STK32C: variants seen among roughly 807,000 people sequenced by gnomAD.
STK32C encodes serine/threonine kinase 32C, also known as serine/threonine-protein kinase 32C.
Under a neutral mutation model 56.5 loss-of-function variants are expected in STK32C, and 31 were observed. The observed-to-expected ratio is 0.55, with a 90% confidence interval of 0.41 to 0.74. The LOEUF (loss-of-function observed/expected upper bound fraction) is 0.74. Among genes scored for constraint, STK32C ranks in the 30% least tolerant of loss-of-function variants. The probability of loss-of-function intolerance (pLI) is 0.00; values close to 1 mark genes in which losing one functional copy is unlikely to be tolerated. For missense variants in STK32C, 544 were observed against 676.9 expected, an observed-to-expected ratio of 0.80 and a Z score of 2.18; for synonymous variants, 309 against 289.4, an observed-to-expected ratio of 1.07 and a Z score of -0.69.
In STK32C at chr10:132,331,546, G is replaced by A. The variant is rs887020744; in HGVS notation, c.191C>T (p.Ser64Phe). 1.1e-5 allele frequency: 17 copies of A among 1,612,836 alleles called. No individual in the cohort carries two copies. In the African/African-American group the frequency reaches 1.1e-4, roughly 10 times the overall value. The stretch of plus-strand genomic sequence containing the variant: ...AGCAAGTCCTGAGGCAAGATTTGGG[G>A]ACAAGCAGCTCCTGTGGGAAGTGGC... Residue 64 changes from serine to phenylalanine, a missense_variant, in exon 1 of 2, where the codon TCC (serine) becomes TTC (phenylalanine). Physicochemically the swap from Ser to Phe is radical, Grantham distance 155. Transcript: ENST00000368619.
chr10:132,216,980 C>A (rs546271289), intron 10 of STK32C, among the ~76,000 whole-genome samples: 1 of 127,020 alleles, frequency 7.9e-6, no homozygotes, highest in South Asian at 2.9e-4. Context: ...GGGTTGGTGC[C>A]CCTATACAAA....
intron 1 of STK32C, among the ~76,000 whole-genome samples, chr10:132,282,627 C>G (rs2065250379): frequency 6.6e-6 from 1 of 152,236 alleles, no homozygotes; most frequent in Non-Finnish European, 1.5e-5. Flanking sequence ...CACTGAAACC[C>G]CAACTTGAAA....
chr10:132,223,826 G>A (rs1029094528), intron 8 of STK32C, among the ~76,000 whole-genome samples: 14 of 152,184 alleles, frequency 9.2e-5, no homozygotes, highest in South Asian at 2.1e-4. Context: ...GTGTTAATGC[G>A]AGGCTCGGAA....
At chr10:132,305,743 T>C (rs888243809) in intron 1 of STK32C, among the ~76,000 whole-genome samples, 15 of 152,352 alleles carry the variant, frequency 9.8e-5, no homozygotes, top group Middle Eastern at 3.4e-3. Context: ...TCCCAAGTTG[T>C]CTGTGCCCTG....
At chr10:132,234,565 C>G (rs190510814) in intron 2 of STK32C, among the ~76,000 whole-genome samples, 55 of 152,372 alleles carry the variant, frequency 3.6e-4, no homozygotes, top group African/African-American at 1.3e-3. Flanking sequence ...GTTTCACCCT[C>G]CACACCCTGC....
intron 1 of STK32C, among the ~76,000 whole-genome samples, chr10:132,282,973 T>C (rs2065262458): frequency 6.6e-6 from 1 of 152,208 alleles, no homozygotes; most frequent in Non-Finnish European, 1.5e-5. Context: ...CCCTGCTGCG[T>C]TCTCAGGCCG....
chr10:132,257,393 C>A (rs901094115), intron 1 of STK32C, among the ~76,000 whole-genome samples: 18 of 152,090 alleles, frequency 1.2e-4, no homozygotes, highest in Non-Finnish European at 1.8e-4. Context: ...TGGCTCCTGG[C>A]AGCCACAGGC....
chr10:132,257,107 C>T (rs1565117739), intron 1 of STK32C, among the ~76,000 whole-genome samples: 1 of 152,128 alleles, frequency 6.6e-6, no homozygotes, highest in Non-Finnish European at 1.5e-5. Context: ...ACTCAGGGCT[C>T]GCTGTGGGAC....
chr10:132,328,582 A>G (rs2138496122), intron 1 of STK32C, among the ~76,000 whole-genome samples: 1 of 152,272 alleles, frequency 6.6e-6, no homozygotes, highest in South Asian at 2.1e-4. Flanking sequence ...AAGGGCTATT[A>G]CCCATTTTGT....
At chr10:132,259,942 G>A (rs1010358348) in intron 1 of STK32C, among the ~76,000 whole-genome samples, 1 of 152,234 alleles carries the variant, frequency 6.6e-6, no homozygotes, top group African/African-American at 2.4e-5. Flanking sequence ...CAGGGCAGGG[G>A]TTGTTGCCAT....
Position 132,226,892 on chromosome 10 carries a change from G to GC in STK32C, c.546dup (p.Gln183AlafsTer38). The GC allele has an allele frequency of 6.2e-7, 1 of 1,613,494 alleles. No individual in the cohort carries two copies. Among genetic ancestry groups the GC allele is most frequent in the South Asian group, 1.1e-5 (1 of 91,090 alleles). ...TCCTCGGAGAACTGCACGTTCTGCT[G>GC]CAGGTGGTAGCGCAGGTCCCCGCCC... On this transcript the variant is annotated frameshift_variant, in exon 4 of 12. Transcript: ENST00000298630. LOFTEE classifies it high-confidence loss of function.
At chr10:132,315,906 AAG>A (rs970284016) in intron 1 of STK32C, among the ~76,000 whole-genome samples, 67 of 152,372 alleles carry the variant, frequency 4.4e-4, no homozygotes, top group African/African-American at 1.6e-3. Context: ...TCAATTATAA[AAG>A]AGAGTCCAAC....
chr10:132,331,779 C>T, exon 1 of STK32C: 1 of 1,608,582 alleles, frequency 6.2e-7, no homozygotes, highest in East Asian at 2.2e-5. Flanking sequence ...GGTCGCCCCT[C>T]CAGACCCTCG....
chr10:132,222,137 G>A (rs1383934229), intron 10 of STK32C, among the ~76,000 whole-genome samples: 3 of 146,122 alleles, frequency 2.1e-5, no homozygotes, highest in Admixed American at 6.9e-5. Context: ...ACGCACCTGG[G>A]CGAGTGTGAG....
intron 2 of STK32C, among the ~76,000 whole-genome samples, chr10:132,236,698 G>T (rs1044443760): frequency 6.6e-6 from 1 of 152,322 alleles, no homozygotes; most frequent in Admixed American, 6.5e-5. Flanking sequence ...CCAGCCGGCA[G>T]CCAGAGATAG....
At chr10:132,285,335 C>G (rs191268975) in intron 1 of STK32C, among the ~76,000 whole-genome samples, 3 of 152,348 alleles carry the variant, frequency 2.0e-5, no homozygotes, top group Admixed American at 1.3e-4. Context: ...GATGGAAACA[C>G]AGAGAAAATT....
intron 10 of STK32C, among the ~76,000 whole-genome samples, chr10:132,214,047 C>T (rs58500859): frequency 0.013 from 2,005 of 151,714 alleles, 52 homozygotes; most frequent in African/African-American, 0.045. Context: ...GCACCACACA[C>T]GCATAATTGG....
At chr10:132,223,230 G>A (rs899528304) in intron 8 of STK32C, among the ~76,000 whole-genome samples, 1 of 152,236 alleles carries the variant, frequency 6.6e-6, no homozygotes, top group Non-Finnish European at 1.5e-5. Context: ...AACCCCTGGC[G>A]CCAGAGGACA....
intron 1 of STK32C, among the ~76,000 whole-genome samples, chr10:132,246,218 T>G (rs535274535): frequency 6.6e-6 from 1 of 152,190 alleles, no homozygotes; most frequent in African/African-American, 2.4e-5. Flanking sequence ...AGCCACAGCA[T>G]GGATGGGGCA....
Sources: allele counts gnomAD v4.1 joint callset (sites outside exome capture counted in the v4.1 genomes callset), GRCh38; gene constraint gnomAD v4.1.1; transcripts MANE v1.5; gene names NCBI Gene and HGNC (gene_info 2026-07-23, HGNC 2026-07-21).